The following SNX25 variants were observed in gnomAD, a reference collection of about 807,000 sequenced individuals.
The protein encoded by SNX25 is sorting nexin 25.
A neutral mutation model predicts 113.7 loss-of-function variants in SNX25; 62 were observed. That is an observed-to-expected ratio of 0.55 (90% CI 0.44 to 0.67). SNX25 has a LOEUF of 0.67. Among genes scored for constraint, SNX25 ranks in the 30% least tolerant of loss-of-function variants. SNX25 has a pLI of 0.00. For missense variants in SNX25, 1,014 were observed against 1,161.0 expected, an observed-to-expected ratio of 0.87 and a Z score of 1.84; for synonymous variants, 421 against 436.2, an observed-to-expected ratio of 0.97 and a Z score of 0.43.
intron 6 of SNX25, among the ~76,000 whole-genome samples, chr4:185,301,394 C>G (rs1197435111): frequency 6.6e-6 from 1 of 151,878 alleles, no homozygotes; most frequent in Non-Finnish European, 1.5e-5. Flanking sequence ...TTTTTTATTA[C>G]CTTTGTTTTG....
In SNX25 at chr4:185,274,432, A is replaced by G. The variant is rs187639214; in HGVS notation, c.1091+7277A>G. On this transcript the variant is annotated intron_variant, in intron 5 of 18. Coordinates refer to ENST00000652585, the MANE Select transcript of SNX25 (RefSeq NM_001378034.2). ...TTCTGCTTTTATTTTATTGGTCAGA[A>G]CATTTGAGATATGATGGGTAATTTT... Among the ~76,000 whole-genome samples the G allele has an allele frequency of 5.0e-4, 76 of 152,342 alleles. 1 individual carries two copies. The highest frequency in any genetic ancestry group is 1.7e-3 in the African/African-American group (70 of 41,568).
chr4:185,315,881 A>C (rs1220006375), intron 7 of SNX25, among the ~76,000 whole-genome samples: 1 of 152,214 alleles, frequency 6.6e-6, no homozygotes, highest in Non-Finnish European at 1.5e-5. Flanking sequence ...ATCATTGTCT[A>C]CTTCATTTCT....
the SNX25 span, among the ~76,000 whole-genome samples, chr4:185,375,309 T>C: frequency 2.0e-5 from 3 of 148,376 alleles, no homozygotes; most frequent in Admixed American, 1.3e-4. Flanking sequence ...CTACAAAAAT[T>C]AGCCAGGCGT....
chr4:185,282,633 A>G (rs74600596), intron 5 of SNX25, among the ~76,000 whole-genome samples: 1 of 152,338 alleles, frequency 6.6e-6, no homozygotes, highest in Non-Finnish European at 1.5e-5. Flanking sequence ...AGCAGATGGC[A>G]GTTATCTTTG....
intron 5 of SNX25, among the ~76,000 whole-genome samples, chr4:185,275,569 A>G (rs1465773680): frequency 2.6e-5 from 4 of 152,212 alleles, no homozygotes; most frequent in East Asian, 1.9e-4. Context: ...CTGCTTGCAC[A>G]TGAAGATAAT....
chr4:185,371,765 A>G (rs1033494890), downstream of SNX25, among the ~76,000 whole-genome samples: 2 of 152,138 alleles, frequency 1.3e-5, no homozygotes, highest in African/African-American at 4.8e-5. Flanking sequence ...GACACTGGCA[A>G]TCACTCCTGT....
At chr4:185,260,957 T>C (rs1747215586) in intron 3 of SNX25, among the ~76,000 whole-genome samples, 1 of 152,194 alleles carries the variant, frequency 6.6e-6, no homozygotes, top group Admixed American at 6.5e-5. Flanking sequence ...TGCAAGCACC[T>C]GCTAATTTGC....
intron 5 of SNX25, among the ~76,000 whole-genome samples, chr4:185,280,341 G>C (rs980321319): frequency 2.0e-5 from 3 of 152,130 alleles, no homozygotes; most frequent in Non-Finnish European, 4.4e-5. Flanking sequence ...TGTAGCATTA[G>C]CATATTTAAT....
chr4:185,365,245 C>G (rs1044897702), downstream of SNX25: 3 of 152,104 alleles, frequency 2.0e-5, no homozygotes, highest in African/African-American at 7.2e-5. Context: ...AGCATGTTAC[C>G]ATGTATGGCA....
At position 185,256,218 on chromosome 4, in the gene SNX25, C is replaced by A. The variant is rs1459557905; in HGVS notation, c.515-2630C>A. On this transcript the variant is annotated intron_variant, in intron 2 of 18. Coordinates refer to ENST00000652585, the MANE Select transcript of SNX25 (RefSeq NM_001378034.2). ...AGATAGATCTTTTTTCTGTCTTTGG[C>A]AATTAATTGTTCTCAGCTGGAAGGC... is the stretch of plus-strand genomic sequence containing the variant. Among the ~76,000 whole-genome samples, 11 of 152,082 alleles carry A rather than the reference C, an allele frequency of 7.2e-5. 1 individual carries two copies. Among genetic ancestry groups the A allele is most frequent in the Admixed American group, 7.2e-4 (11 of 15,272 alleles).
At chr4:185,301,268 A>G (rs1392620106) in intron 6 of SNX25, among the ~76,000 whole-genome samples, 1 of 152,220 alleles carries the variant, frequency 6.6e-6, no homozygotes, top group East Asian at 1.9e-4. Context: ...GCCTAATGAC[A>G]GTATTCAAGG....
At chr4:185,212,223 C>T (rs1444982993) in intron 1 of SNX25, among the ~76,000 whole-genome samples, 1 of 151,972 alleles carries the variant, frequency 6.6e-6, no homozygotes, top group Non-Finnish European at 1.5e-5. Flanking sequence ...AATGATCCGC[C>T]CTCCTCAGCC....
chr4:185,289,374 T>C (rs776547261), intron 6 of SNX25, among the ~76,000 whole-genome samples: 1 of 152,186 alleles, frequency 6.6e-6, no homozygotes, highest in Non-Finnish European at 1.5e-5. Context: ...CAGGGGAGGC[T>C]AATTCTGCAT....
At chr4:185,282,215 G>C (rs1750697554) in intron 5 of SNX25, among the ~76,000 whole-genome samples, 1 of 152,106 alleles carries the variant, frequency 6.6e-6, no homozygotes, top group South Asian at 2.1e-4. Flanking sequence ...AGGCTGGAGT[G>C]CAACGGCGGA....
intron 6 of SNX25, among the ~76,000 whole-genome samples, chr4:185,307,355 G>A (rs79442540): frequency 0.016 from 2,398 of 152,292 alleles, 46 homozygotes; most frequent in Middle Eastern, 0.061. Context: ...GGTATGTGCT[G>A]ACTCACCTCC....
At chr4:185,241,206 G>A (rs1241105384) in intron 1 of SNX25, among the ~76,000 whole-genome samples, 2 of 152,140 alleles carry the variant, frequency 1.3e-5, no homozygotes, top group Non-Finnish European at 2.9e-5. Flanking sequence ...CTGAGTGAAC[G>A]CGACTCCGTC....
At chr4:185,224,552 T>C (rs1337543561) in intron 1 of SNX25, among the ~76,000 whole-genome samples, 1 of 104,612 alleles carries the variant, frequency 9.6e-6, no homozygotes, top group Admixed American at 1.2e-4. Flanking sequence ...TATATACATA[T>C]ATATAAATAT....
intron 3 of SNX25, among the ~76,000 whole-genome samples, chr4:185,260,716 G>A (rs1328635148): frequency 6.6e-6 from 1 of 152,148 alleles, no homozygotes; most frequent in Non-Finnish European, 1.5e-5. Flanking sequence ...TGAGACAAAT[G>A]ACCTTTTTAT....
intron 16 of SNX25, among the ~76,000 whole-genome samples, chr4:185,360,946 T>TATATATAC (rs2095359831): frequency 7.5e-6 from 1 of 133,860 alleles, no homozygotes; most frequent in Non-Finnish European, 1.6e-5. Flanking sequence ...TATATATATA[T>TATATATAC]ATATATAGAA....
Sources: allele counts gnomAD v4.1 joint callset (sites outside exome capture counted in the v4.1 genomes callset), GRCh38; gene constraint gnomAD v4.1.1; transcripts MANE v1.5; gene names NCBI Gene and HGNC (gene_info 2026-07-23, HGNC 2026-07-21).